Variants in MEIS2 observed in about 807,000 individuals in gnomAD.
The protein encoded by MEIS2 is homeobox protein Meis2.
In MEIS2, 9 loss-of-function variants were observed where a neutral mutation model predicts 58.6. The observed-to-expected ratio is 0.15, with a 90% CI of 0.09 to 0.27. MEIS2 has a LOEUF of 0.27. Ranked by LOEUF, MEIS2 falls within the 10% of genes least tolerant of loss-of-function variation. The probability of loss-of-function intolerance (pLI) is 1.00; values close to 1 mark genes in which losing one functional copy is unlikely to be tolerated. For synonymous variants in MEIS2, 221 were observed against 228.4 expected (o/e 0.97, Z 0.29); for missense variants, 427 against 635.0 (o/e 0.67, Z 3.52).
chr15:37,094,130 A>C, intron 5 of MEIS2: 1 of 266,120 alleles, frequency 3.8e-6, no homozygotes, highest in Non-Finnish European at 7.1e-6. Flanking sequence ...TTCCAGGGGA[A>C]AGTAATTGAG....
chr15:37,093,063 A>G (rs758960013), intron 6 of MEIS2, among the ~76,000 whole-genome samples: 2 of 152,164 alleles, frequency 1.3e-5, no homozygotes, highest in Non-Finnish European at 2.9e-5. Context: ...GAGAATTGTA[A>G]TGTGTTTGTT....
In MEIS2 at chr15:37,098,139, C is replaced by T. The variant is rs760768956; in HGVS notation, c.73G>A (p.Gly25Arg). 1 of 1,613,112 alleles carries T rather than the reference C, an allele frequency of 6.2e-7. No individual in the cohort carries two copies. Among genetic ancestry groups the T allele is most frequent in the Non-Finnish European group, 8.5e-7 (1 of 1,179,696 alleles). The change falls in exon 2 of 12, where the codon GGA becomes AGA. Residue 25 changes from glycine to arginine, a missense_variant. Gly to Arg is a moderately radical substitution (Grantham distance 125). This residue lies in a region of MEIS2 where 103 missense variants were observed against 111.8 expected (regional missense o/e 0.92). Coordinates refer to ENST00000561208, the MANE Select transcript of MEIS2 (RefSeq NM_170675.5). ...ATCGGCCGCGGCGCGTGAGGGTCTCCGTACATGGAAGCGGGAACCCCTACT... is the reference window on the plus strand; with the variant it reads ...ATCGGCCGCGGCGCGTGAGGGTCTCTGTACATGGAAGCGGGAACCCCTACT... Reference protein sequence around the residue: ...DGVGVPASMYGDPHAPRPIPP... With the variant: ...DGVGVPASMYRDPHAPRPIPP...
chr15:37,004,260 A>G (rs1242714837), intron 8 of MEIS2, among the ~76,000 whole-genome samples: 1 of 152,192 alleles, frequency 6.6e-6, no homozygotes, highest in Non-Finnish European at 1.5e-5. Flanking sequence ...CCAAAATCTT[A>G]GGATAACTAA....
rs375702273 is a variant in MEIS2, at chr15:36,910,971, G to A, written c.978-14285C>T. On this transcript the variant is annotated intron_variant, in intron 9 of 11. Transcript: ENST00000561208. ...GAGGCAGGAGAATGGCTTGAGCCCG[G>A]GAGGCGGAGGTTGCAGTGAGCTGAG... is the stretch of plus-strand genomic sequence containing the variant. 9.9e-5 allele frequency among the ~76,000 whole-genome samples: 15 copies of A among 151,740 alleles called. No homozygotes were observed. The East Asian group carries it at 1.6e-3, about 16-fold the overall frequency.
At chr15:36,950,576 A>G (rs571188075) in intron 8 of MEIS2, among the ~76,000 whole-genome samples, 176 bp from the exon 9 acceptor site, 11 of 150,444 alleles carry the variant, frequency 7.3e-5, no homozygotes, top group South Asian at 2.1e-4. Context: ...AGAAACCTGT[A>G]TTAGCAGCCC....
At chr15:37,094,402 A>G in intron 5 of MEIS2, 125 bp downstream of exon 5, 1 of 878,656 alleles carries the variant, frequency 1.1e-6, no homozygotes, top group Non-Finnish European at 1.8e-6. Context: ...AAGGATGGAC[A>G]TGGTTACATG....
chr15:37,094,412 G>T, intron 5 of MEIS2, 115 bp downstream of exon 5: 1 of 976,378 alleles, frequency 1.0e-6, no homozygotes, highest in South Asian at 1.7e-5. Context: ...ATGGTTACAT[G>T]CTCAAAATCT....
intron 7 of MEIS2, among the ~76,000 whole-genome samples, chr15:37,062,664 A>T (rs1033309457): frequency 1.3e-5 from 2 of 152,188 alleles, no homozygotes; most frequent in Non-Finnish European, 2.9e-5. Context: ...ATCCTTCACA[A>T]ATTCTAATTT....
chr15:37,011,298 C>G (rs1567178627), intron 8 of MEIS2, among the ~76,000 whole-genome samples: 1 of 152,152 alleles, frequency 6.6e-6, no homozygotes, highest in Admixed American at 6.5e-5. Flanking sequence ...TCAATGATGA[C>G]CAATTTCAGA....
chr15:37,017,827 G>A (rs1389365921), intron 8 of MEIS2, among the ~76,000 whole-genome samples: 2 of 152,056 alleles, frequency 1.3e-5, no homozygotes, highest in Non-Finnish European at 2.9e-5. Flanking sequence ...GTTCCGTCAA[G>A]CAAAATGGGA....
At position 37,047,338 on chromosome 15, in the gene MEIS2, C is replaced by T. The variant is rs570672241; in HGVS notation, c.755-10379G>A. ...TCACCTCCCTAGAGTGGCATTTCAG[C>T]TAACAGAGTTCACAATCCTTCAGCC... On this transcript the variant is annotated intron_variant, in intron 7 of 11. Coordinates refer to ENST00000561208, the MANE Select transcript of MEIS2 (RefSeq NM_170675.5). Among the ~76,000 whole-genome samples the T allele has an allele frequency of 5.3e-5, 8 of 152,272 alleles. No individual in the cohort carries two copies. In the East Asian group the frequency reaches 1.2e-3, roughly 22 times the overall value.
chr15:37,082,995 A>T (rs1452427479), intron 7 of MEIS2, among the ~76,000 whole-genome samples: 1 of 152,222 alleles, frequency 6.6e-6, no homozygotes, highest in Non-Finnish European at 1.5e-5. Flanking sequence ...AATATTAAAA[A>T]GTAAAATCTA....
At position 36,893,147 on chromosome 15, in the gene MEIS2, T is replaced by A. The variant is rs149841781; in HGVS notation, c.1148-688A>T. ...TAAAATGTAATAAATGTAGAAATTC[T>A]CAATTGAGATATGCAACATTCAAAG... On this transcript the variant is annotated intron_variant, in intron 11 of 11. Coordinates refer to ENST00000561208, the MANE Select transcript of MEIS2 (RefSeq NM_170675.5). Among the ~76,000 whole-genome samples the A allele has an allele frequency of 5.1e-4, 78 of 152,338 alleles. No homozygotes were observed. The East Asian group carries it at 8.5e-3, about 17-fold the overall frequency.
At chr15:37,028,372 T>C (rs1479474655) in intron 8 of MEIS2, among the ~76,000 whole-genome samples, 1 of 152,204 alleles carries the variant, frequency 6.6e-6, no homozygotes, top group African/African-American at 2.4e-5. Flanking sequence ...AGTCTTTCCA[T>C]GCAGAAGCCC....
intron 11 of MEIS2, chr15:36,894,444 C>T (rs993200404): frequency 3.6e-5 from 8 of 219,178 alleles, no homozygotes; most frequent in Non-Finnish European, 6.3e-5. Flanking sequence ...TGCCTGATGT[C>T]TGTGTTTGTG....
chr15:37,036,038 G>T (rs2062136716), intron 8 of MEIS2, among the ~76,000 whole-genome samples: 1 of 152,162 alleles, frequency 6.6e-6, no homozygotes, highest in African/African-American at 2.4e-5. Context: ...ATATAAGCAT[G>T]CCTAGTTTAT....
intron 8 of MEIS2, among the ~76,000 whole-genome samples, chr15:36,983,441 GATTA>G (rs966949188): frequency 1.3e-5 from 2 of 151,948 alleles, no homozygotes; most frequent in African/African-American, 4.8e-5. Context: ...CCTTGTTGAG[GATTA>G]ATTGACTGTA....
chr15:36,938,252 C>T (rs1369449414), intron 9 of MEIS2, among the ~76,000 whole-genome samples: 2 of 152,194 alleles, frequency 1.3e-5, no homozygotes, highest in Non-Finnish European at 2.9e-5. Context: ...CATCTATACC[C>T]TCAGACCTAC....
At chr15:36,983,686 C>T (rs1173378566) in intron 8 of MEIS2, among the ~76,000 whole-genome samples, 1 of 151,914 alleles carries the variant, frequency 6.6e-6, no homozygotes, top group Non-Finnish European at 1.5e-5. Flanking sequence ...AGAAAAATAA[C>T]ATTGGAATTT....
Sources: gnomAD v4.1 joint callset for allele counts (sites outside exome capture counted in the v4.1 genomes callset) on GRCh38, gnomAD v4.1.1 for gene constraint, gnomAD v4.1.1 regional missense constraint, MANE v1.5 for transcripts, NCBI Gene and HGNC (gene_info 2026-07-23, HGNC 2026-07-21) for gene names.